The following TAF9 variants were observed in gnomAD, a reference collection of about 807,000 sequenced individuals.
The protein encoded by TAF9 is TATA-box binding protein associated factor 9.
A neutral mutation model predicts 16.5 loss-of-function variants in TAF9; 10 were observed. The ratio of observed to expected loss-of-function variants is 0.61; its 90% CI spans 0.37 to 1.03. TAF9 has a LOEUF of 1.03. Among genes scored for constraint, TAF9 ranks in the 50% least tolerant of loss-of-function variants. TAF9 has a pLI of 0.01. For synonymous variants in TAF9, 105 were observed against 120.5 expected (o/e 0.87, Z 0.84); for missense variants, 288 against 319.1 (o/e 0.90, Z 0.74).
chr5:69,367,504 C>CAAAAA (rs34070239), intron 1 of TAF9, among the ~76,000 whole-genome samples: 1 of 94,066 alleles, frequency 1.1e-5, no homozygotes, highest in Non-Finnish European at 2.0e-5. Context: ...GACTCCATCT[C>CAAAAA]AAAAAAAAAA....
rs749826869 is a variant in TAF9 at position 69,365,070 on chromosome 5, T to G, written c.668A>C (p.Asn223Thr). The change falls in exon 3 of 3, where the codon AAC becomes ACC. Residue 223 changes from asparagine to threonine, a missense_variant. Asn to Thr is a moderately conservative substitution (Grantham distance 65, BLOSUM62 0). Coordinates refer to ENST00000217893, the MANE Select transcript of TAF9 (RefSeq NM_003187.5). The stretch of plus-strand genomic sequence containing the variant: ...CATCATATTAGTGGTAATAAGAATG[T>G]TTTTGGACCCGATTAATGATGGATT... Reference protein sequence around the residue: ...LINPSLIGSKNILITTNMMSS... With the variant: ...LINPSLIGSKTILITTNMMSS... The G allele has an allele frequency of 6.2e-7, 1 of 1,614,156 alleles. No homozygotes were observed. Among genetic ancestry groups the G allele is most frequent in the Non-Finnish European group, 8.5e-7 (1 of 1,180,014 alleles).
At chr5:69,367,124 T>C (rs1309192289) in intron 1 of TAF9, among the ~76,000 whole-genome samples, 1 of 152,134 alleles carries the variant, frequency 6.6e-6, no homozygotes, top group East Asian at 1.9e-4. Flanking sequence ...TGTCAGAATA[T>C]TACCCAGTGT....
chr5:69,365,045 C>A lies in TAF9; in HGVS notation c.693G>T (p.Met231Ile). The change falls in exon 3 of 3, where the codon ATG (methionine) becomes ATT (isoleucine). Residue 231 changes from methionine to isoleucine, a missense_variant. Transcript: ENST00000217893. ...SKNILITTNMMSSQNTANESS... is the reference protein window; with the variant it reads ...SKNILITTNMISSQNTANESS... ...ATTCATTGGCAGTATTTTGTGATGA[C>A]ATCATATTAGTGGTAATAAGAATGT... 6.2e-7 allele frequency: 1 copy of A among 1,614,008 alleles called. No homozygotes were observed. The highest frequency in any genetic ancestry group is 8.5e-7 in the Non-Finnish European group (1 of 1,179,894).
intron 1 of TAF9, 108 bp downstream of exon 1, chr5:69,369,355 G>A: frequency 8.0e-7 from 1 of 1,243,634 alleles, no homozygotes; most frequent in Admixed American, 3.1e-5. Flanking sequence ...GCCCTCGGCC[G>A]GCCTCTGAAG....
chr5:69,365,863 A>C, intron 2 of TAF9, 109 bp from the exon 3 acceptor site: 1 of 729,044 alleles, frequency 1.4e-6, no homozygotes, highest in Non-Finnish European at 2.0e-6. Flanking sequence ...AAACTGTAAA[A>C]AAATTTTTAA....
chr5:69,369,148 T>C, intron 1 of TAF9: 1 of 463,380 alleles, frequency 2.2e-6, no homozygotes, highest in South Asian at 3.9e-5. Context: ...CAACAACCCA[T>C]TTTACAAACG....
intron 1 of TAF9, 84 bp downstream of exon 1, chr5:69,369,379 G>GC: frequency 1.3e-6 from 2 of 1,520,002 alleles, no homozygotes; most frequent in Non-Finnish European, 8.9e-7. Flanking sequence ...GCAGTGAGGG[G>GC]CCCCCACCTG....
upstream of TAF9, chr5:69,369,630 G>A (rs749070544): frequency 2.7e-5 from 42 of 1,568,514 alleles, 1 homozygote; most frequent in Middle Eastern, 3.3e-4. Context: ...GCCTGCCCCG[G>A]CGGCCCAGCC....
intron 2 of TAF9, among the ~76,000 whole-genome samples, chr5:69,366,142 G>A (rs929254759): frequency 6.6e-6 from 1 of 152,188 alleles, no homozygotes; most frequent in Non-Finnish European, 1.5e-5. Context: ...TCTCTTTCCA[G>A]TGAGACCAAT....
intron 1 of TAF9, among the ~76,000 whole-genome samples, chr5:69,368,151 G>A (rs1156521633): frequency 3.3e-5 from 5 of 152,110 alleles, no homozygotes; most frequent in Admixed American, 3.3e-4. Context: ...ATGTTTGCAT[G>A]TAAATGTACA....
chr5:69,367,267 C>T (rs1186780014), intron 1 of TAF9, among the ~76,000 whole-genome samples: 1 of 151,606 alleles, frequency 6.6e-6, no homozygotes, highest in Non-Finnish European at 1.5e-5. Context: ...AATCACCGCA[C>T]TTTGGGAGGC....
intron 1 of TAF9, chr5:69,369,239 C>G (rs1313952451): frequency 4.7e-6 from 1 of 212,864 alleles, no homozygotes; most frequent in Non-Finnish European, 9.1e-6. Flanking sequence ...CCCCCCCGCC[C>G]CCCCCCGGAG....
chr5:69,368,209 T>C (rs1302563314), intron 1 of TAF9, among the ~76,000 whole-genome samples: 1 of 152,220 alleles, frequency 6.6e-6, no homozygotes, highest in African/African-American at 2.4e-5. Context: ...TATTCCCTTT[T>C]ACATAAATGA....
chr5:69,369,741 A>T (rs1291845120), upstream of TAF9: 2 of 1,535,536 alleles, frequency 1.3e-6, no homozygotes, highest in African/African-American at 2.8e-5. Context: ...AGTGCGCTGG[A>T]TGCCTAAGTC....
rs1267785285 is a variant in TAF9 at position 69,365,678 on chromosome 5, T to A, written c.60A>T (p.Ala20=). 6.2e-7 allele frequency: 1 copy of A among 1,602,974 alleles called. No individual in the cohort carries two copies. Among genetic ancestry groups the A allele is most frequent in the Non-Finnish European group, 8.5e-7 (1 of 1,173,258 alleles). Residue 20 remains alanine (A), a synonymous_variant, in exon 3 of 3, where the codon GCA becomes GCT. Transcript: ENST00000217893. ...KSMPKDAQMM[A]QILKDMGITE... Reference sequence around the variant, plus strand: ...TAATCCCCATATCCTTCAGGATTTGTGCCATCATCTGTGCATCTTTCGGCA... The same window carrying A: ...TAATCCCCATATCCTTCAGGATTTGAGCCATCATCTGTGCATCTTTCGGCA...
At chr5:69,365,927 A>G (rs1762403885) in intron 2 of TAF9, among the ~76,000 whole-genome samples, 173 bp from the exon 3 acceptor site, 1 of 152,226 alleles carries the variant, frequency 6.6e-6, no homozygotes, top group Non-Finnish European at 1.5e-5. Context: ...GGTCGCTTTA[A>G]TTTATTGAGT....
Position 69,366,489 on chromosome 5 carries a change from A to C in TAF9, c.-18+14T>G, listed in dbSNP as rs748515237. 229 of 1,605,586 alleles carry C rather than the reference A, an allele frequency of 1.4e-4. 3 individuals are homozygous for C. The South Asian group carries it at 2.5e-3, about 17-fold the overall frequency. ...AAAAAAACAAAACAAATCTAACACCAAAGTGTCCCTTACCTTCTCGAGCTA... is the reference window on the plus strand; with the variant it reads ...AAAAAAACAAAACAAATCTAACACCCAAGTGTCCCTTACCTTCTCGAGCTA... On this transcript the variant is annotated intron_variant, in intron 2 of 2. Transcript: ENST00000217893.
Position 69,369,450 on chromosome 5 carries a change from C to A in TAF9, c.-111+13G>T. The A allele has an allele frequency of 1.2e-6, 2 of 1,610,332 alleles. No individual in the cohort carries two copies. The highest frequency in any genetic ancestry group is 1.7e-6 in the Non-Finnish European group (2 of 1,179,074). On this transcript the variant is annotated intron_variant, in intron 1 of 2. Coordinates refer to ENST00000217893, the MANE Select transcript of TAF9 (RefSeq NM_003187.5). ...CTGCCCCAGCCCAGTCCCTCCCGGCCGCGCGCCCTGACCGGTGAGCAGGAT... is the reference window on the plus strand; with the variant it reads ...CTGCCCCAGCCCAGTCCCTCCCGGCAGCGCGCCCTGACCGGTGAGCAGGAT...
In TAF9 at chr5:69,369,256, G is replaced by A. The variant is rs113611123; in HGVS notation, c.-111+207C>T. 3.7e-3 allele frequency: 277 copies of A among 75,650 alleles called. 4 individuals are homozygous for A. Among genetic ancestry groups the A allele is most frequent in the African/African-American group, 0.011 (230 of 20,222 alleles). The allele number at this position is 75,650 out of a possible 1,614,324, so 4.7% of individuals were successfully genotyped here. ...CCCCCGCCCCCCCCCGGAGCCTCAGGCCAACGGAATTAACGTTCCGCGTCC... is the reference window on the plus strand; with the variant it reads ...CCCCCGCCCCCCCCCGGAGCCTCAGACCAACGGAATTAACGTTCCGCGTCC... On this transcript the variant is annotated intron_variant, in intron 1 of 2. Transcript: ENST00000217893.
Sources: allele counts gnomAD v4.1 joint callset (sites outside exome capture counted in the v4.1 genomes callset), GRCh38; gene constraint gnomAD v4.1.1; transcripts MANE v1.5; gene names NCBI Gene and HGNC (gene_info 2026-07-23, HGNC 2026-07-21).